SCG3: variants seen among roughly 807,000 people sequenced by gnomAD.
SCG3 encodes secretogranin-3.
SCG3 carries 38 observed loss-of-function variants against 56.2 expected under a neutral mutation model. That is an observed-to-expected ratio of 0.68 (90% CI 0.52 to 0.89). The LOEUF is 0.89. Ranked by LOEUF, SCG3 falls within the 40% of genes least tolerant of loss-of-function variation. The pLI is 0.00. For missense variants in SCG3, 524 were observed against 540.7 expected, an observed-to-expected ratio of 0.97 and a Z score of 0.31; for synonymous variants, 176 against 184.2, an observed-to-expected ratio of 0.96 and a Z score of 0.36.
intron 10 of SCG3, among the ~76,000 whole-genome samples, chr15:51,706,670 G>A (rs913956522): frequency 2.0e-5 from 3 of 151,908 alleles, no homozygotes; most frequent in Non-Finnish European, 2.9e-5. Flanking sequence ...GTCCTGTGAG[G>A]AATATAAGTA....
At chr15:51,710,878 G>C (rs536494121) in intron 10 of SCG3, among the ~76,000 whole-genome samples, 114 of 151,400 alleles carry the variant, frequency 7.5e-4, no homozygotes, top group Non-Finnish European at 1.3e-3. Context: ...TCACAGGTGT[G>C]AGCCACAGAG....
intron 10 of SCG3, among the ~76,000 whole-genome samples, chr15:51,706,064 C>T (rs745646421): frequency 3.9e-5 from 6 of 152,084 alleles, no homozygotes; most frequent in Admixed American, 6.5e-5. Flanking sequence ...AAGGACATAC[C>T]GACATATATC....
intron 6 of SCG3, among the ~76,000 whole-genome samples, 161 bp downstream of exon 6, chr15:51,689,529 C>T (rs1366203138): frequency 6.6e-6 from 1 of 151,994 alleles, no homozygotes; most frequent in Non-Finnish European, 1.5e-5. Flanking sequence ...GACATGTTGG[C>T]TCAAACCTGT....
rs768697386 is a variant in SCG3 at position 51,688,304 on chromosome 15, G to T, written c.442G>T (p.Ala148Ser). 4 of 1,613,574 alleles carry T rather than the reference G, an allele frequency of 2.5e-6. No individual in the cohort carries two copies. Among genetic ancestry groups the T allele is most frequent in the Non-Finnish European group, 3.4e-6 (4 of 1,179,682 alleles). ...TCAACTAGACGGGACTCCTTTAACC[G>T]CTGAAGACATTGTCCATAAAATCGC... is the stretch of plus-strand genomic sequence containing the variant. Reference protein sequence around the residue: ...LHQLDGTPLTAEDIVHKIAAR... With the variant: ...LHQLDGTPLTSEDIVHKIAAR... The change falls in exon 5 of 12, where the codon GCT becomes TCT. Residue 148 changes from alanine (A) to serine (S), a missense_variant. By Grantham distance (99) the Ala-to-Ser change is moderately conservative. Coordinates refer to ENST00000220478, the MANE Select transcript of SCG3 (RefSeq NM_013243.4).
intron 10 of SCG3, among the ~76,000 whole-genome samples, chr15:51,712,319 T>C (rs1179092579): frequency 6.6e-6 from 1 of 152,186 alleles, no homozygotes. Flanking sequence ...CTATTGCTTC[T>C]GCAGAGGCCC....
At chr15:51,686,912 T>C (rs2055232873) in intron 4 of SCG3, among the ~76,000 whole-genome samples, 1 of 152,184 alleles carries the variant, frequency 6.6e-6, no homozygotes, top group South Asian at 2.1e-4. Flanking sequence ...TGAGGCTGCA[T>C]ATACCTCTAT....
At chr15:51,688,226 C>A in intron 4 of SCG3, 34 bp from the exon 5 acceptor site, 2 of 1,589,692 alleles carry the variant, frequency 1.3e-6, no homozygotes, top group South Asian at 2.2e-5. Flanking sequence ...GATCTATGAT[C>A]ACTATGGTGT....
At chr15:51,700,239 T>C (rs2055330477) in intron 9 of SCG3, among the ~76,000 whole-genome samples, 1 of 152,204 alleles carries the variant, frequency 6.6e-6, no homozygotes, top group Non-Finnish European at 1.5e-5. Flanking sequence ...TGCATCTCTC[T>C]ACATACCGCA....
chr15:51,690,738 A>G (rs1166931623), intron 6 of SCG3, among the ~76,000 whole-genome samples: 1 of 151,996 alleles, frequency 6.6e-6, no homozygotes, highest in East Asian at 1.9e-4. Context: ...CTTCATTCCC[A>G]TTACATACTC....
intron 8 of SCG3, among the ~76,000 whole-genome samples, chr15:51,696,291 T>C (rs2055303218): frequency 6.6e-6 from 1 of 152,234 alleles, no homozygotes; most frequent in African/African-American, 2.4e-5. Context: ...GGCTCACACC[T>C]GTAATCCCAG....
intron 10 of SCG3, among the ~76,000 whole-genome samples, chr15:51,703,262 T>C (rs182326997): frequency 1.9e-3 from 289 of 152,324 alleles, no homozygotes; most frequent in Non-Finnish European, 3.5e-3. Context: ...CTCACACAAA[T>C]AGAAGCAGGT....
intron 11 of SCG3, among the ~76,000 whole-genome samples, chr15:51,718,753 G>T (rs73405314): frequency 0.011 from 1,665 of 152,136 alleles, 18 homozygotes; most frequent in African/African-American, 0.025. Flanking sequence ...TTTGTTTAAG[G>T]AGGACAGAGG....
At chr15:51,699,945 G>A (rs1446242772) in intron 9 of SCG3, among the ~76,000 whole-genome samples, 1 of 152,162 alleles carries the variant, frequency 6.6e-6, no homozygotes, top group Admixed American at 6.5e-5. Context: ...GCTATGGAAA[G>A]GAGCCTCCTT....
chr15:51,713,228 G>C (rs1343182682), intron 10 of SCG3, 105 bp from the exon 11 acceptor site: 2 of 734,814 alleles, frequency 2.7e-6, no homozygotes, highest in Admixed American at 5.2e-5. Flanking sequence ...CCTTGCAAAT[G>C]CTGCATAAGT....
chr15:51,718,184 G>A lies in SCG3; in HGVS notation c.1289-1224G>A, dbSNP rs867628913. Among the ~76,000 whole-genome samples the A allele has an allele frequency of 4.9e-3, 596 of 122,416 alleles. 6 individuals carry two copies. The highest frequency in any genetic ancestry group is 0.018 in the African/African-American group (578 of 32,680). 80.3% of individuals were successfully genotyped at this position (122,416 alleles called of 152,430 possible). On this transcript the variant is annotated intron_variant, in intron 11 of 11. Coordinates refer to ENST00000220478, the MANE Select transcript of SCG3 (RefSeq NM_013243.4). Reference sequence around the variant, plus strand: ...ATAGATAGTTAGATGATGGATGGATGGATAGATAGATAGATAGACAGACAG... The same window carrying A: ...ATAGATAGTTAGATGATGGATGGATAGATAGATAGATAGATAGACAGACAG...
chr15:51,716,153 A>G (rs1191973551), intron 11 of SCG3, among the ~76,000 whole-genome samples: 1 of 152,132 alleles, frequency 6.6e-6, no homozygotes, highest in Non-Finnish European at 1.5e-5. Context: ...CACCGCGCCC[A>G]GCAAGGCAGT....
chr15:51,687,198 C>T (rs2055234702), intron 4 of SCG3, among the ~76,000 whole-genome samples: 1 of 152,144 alleles, frequency 6.6e-6, no homozygotes, highest in Non-Finnish European at 1.5e-5. Context: ...AAAGTAATCG[C>T]GGTTTTTGCC....
chr15:51,694,846 C>T (rs1005743396), intron 7 of SCG3, among the ~76,000 whole-genome samples: 2 of 152,098 alleles, frequency 1.3e-5, no homozygotes, highest in African/African-American at 4.8e-5. Context: ...TCCTGGCCAA[C>T]ATGGTGAAAC....
intron 8 of SCG3, among the ~76,000 whole-genome samples, chr15:51,696,497 G>A (rs1167768186): frequency 6.6e-6 from 1 of 152,106 alleles, no homozygotes; most frequent in African/African-American, 2.4e-5. Context: ...GTTGCAGTGA[G>A]CCAAGATAGG....
Sources: gnomAD v4.1 joint callset for allele counts (sites outside exome capture counted in the v4.1 genomes callset) on GRCh38, gnomAD v4.1.1 for gene constraint, MANE v1.5 for transcripts, NCBI Gene and HGNC (gene_info 2026-07-23, HGNC 2026-07-21) for gene names.